The following SNX4 variants were observed in gnomAD, a reference collection of about 807,000 sequenced individuals.
SNX4 encodes sorting nexin 4, also known as sorting nexin-4.
SNX4 carries 49 observed loss-of-function variants against 70.8 expected under a neutral mutation model. The ratio of observed to expected loss-of-function variants is 0.69; its 90% CI spans 0.55 to 0.88. The LOEUF is 0.88. Among genes scored for constraint, SNX4 ranks in the 40% least tolerant of loss-of-function variants. SNX4 has a pLI of 0.00. For missense variants in SNX4, 528 were observed against 544.8 expected (o/e 0.97, Z 0.31); for synonymous variants, 206 against 183.8 (o/e 1.12, Z -0.98).
At chr3:125,472,928 C>A (rs1339485323) in intron 8 of SNX4, among the ~76,000 whole-genome samples, 1 of 152,092 alleles carries the variant, frequency 6.6e-6, no homozygotes, top group Non-Finnish European at 1.5e-5. Context: ...CCCTGTCCAC[C>A]ATCCCACCCC....
At chr3:125,459,068 G>C (rs1291266078) in intron 10 of SNX4, among the ~76,000 whole-genome samples, 1 of 152,034 alleles carries the variant, frequency 6.6e-6, no homozygotes, top group Non-Finnish European at 1.5e-5. Flanking sequence ...CAGCTGCTTG[G>C]GAGGCTGAGG....
At chr3:125,499,324 G>A (rs985168849) in intron 2 of SNX4, among the ~76,000 whole-genome samples, 3 of 152,276 alleles carry the variant, frequency 2.0e-5, no homozygotes, top group African/African-American at 2.4e-5. Flanking sequence ...TGCACAAGGT[G>A]TATTTGTACA....
At chr3:125,475,467 C>T (rs1049888401) in intron 8 of SNX4, among the ~76,000 whole-genome samples, 1 of 152,148 alleles carries the variant, frequency 6.6e-6, no homozygotes, top group African/African-American at 2.4e-5. Context: ...TGGGTTCAAG[C>T]GATTTTCCTG....
chr3:125,451,300 C>G lies in SNX4; in HGVS notation c.1305+5G>C, dbSNP rs1933565149. ...ATATCTTCACTGAAACAGGAAAAAC[C>G]CTACCTTTTTGCACATACTGATCTG... On this transcript the variant is annotated splice_donor_5th_base_variant and intron_variant, in intron 13 of 13. Coordinates refer to ENST00000251775, the MANE Select transcript of SNX4 (RefSeq NM_003794.4). 1 of 1,598,054 alleles carries G rather than the reference C, an allele frequency of 6.3e-7. No individual in the cohort carries two copies. Among genetic ancestry groups the G allele is most frequent in the Non-Finnish European group, 8.6e-7 (1 of 1,167,284 alleles).
chr3:125,518,005 A>G (rs1389330322), intron 1 of SNX4, among the ~76,000 whole-genome samples: 1 of 152,080 alleles, frequency 6.6e-6, no homozygotes, highest in Non-Finnish European at 1.5e-5. Context: ...GTCAGGAAGT[A>G]GTATGTAACT....
chr3:125,515,487 T>A (rs1935255477), intron 1 of SNX4, among the ~76,000 whole-genome samples: 1 of 148,668 alleles, frequency 6.7e-6, no homozygotes, highest in South Asian at 2.1e-4. Flanking sequence ...CATAGGGAGA[T>A]CTTGTCTCTA....
At chr3:125,464,174 C>T (rs1287955013) in intron 9 of SNX4, among the ~76,000 whole-genome samples, 1 of 152,148 alleles carries the variant, frequency 6.6e-6, no homozygotes, top group Non-Finnish European at 1.5e-5. Flanking sequence ...CACCACCCAC[C>T]TCCATAATTT....
At chr3:125,473,576 G>A (rs1412029610) in intron 8 of SNX4, among the ~76,000 whole-genome samples, 3 of 152,002 alleles carry the variant, frequency 2.0e-5, no homozygotes, top group Non-Finnish European at 4.4e-5. Context: ...CATCATGCCC[G>A]GCTAATTTTT....
chr3:125,464,564 C>CT (rs778518316), intron 9 of SNX4, among the ~76,000 whole-genome samples: 6,033 of 67,092 alleles, frequency 0.09, 1,126 homozygotes, highest in African/African-American at 0.12. Flanking sequence ...ATTTATCTTT[C>CT]TTTTTTTTTT....
chr3:125,518,207 C>A (rs1437501441), intron 1 of SNX4, among the ~76,000 whole-genome samples: 5 of 152,056 alleles, frequency 3.3e-5, no homozygotes, highest in Non-Finnish European at 7.4e-5. Context: ...ACCTGTAACC[C>A]CAGCTACTCA....
intron 1 of SNX4, among the ~76,000 whole-genome samples, chr3:125,516,487 A>G (rs1405949665): frequency 6.6e-6 from 1 of 152,220 alleles, no homozygotes; most frequent in Non-Finnish European, 1.5e-5. Flanking sequence ...TGCAGTTTCC[A>G]CAACCTCTTG....
intron 9 of SNX4, among the ~76,000 whole-genome samples, chr3:125,468,424 G>A (rs1934085151): frequency 6.6e-6 from 1 of 151,576 alleles, no homozygotes; most frequent in South Asian, 2.1e-4. Context: ...TTGTTGGCCA[G>A]GTGTGCTGGC....
chr3:125,489,778 G>C (rs187002713), intron 5 of SNX4, among the ~76,000 whole-genome samples: 13 of 152,326 alleles, frequency 8.5e-5, no homozygotes, highest in African/African-American at 2.9e-4. Flanking sequence ...GAAAACAGTA[G>C]TTTTTCTCTA....
intron 7 of SNX4, 81 bp from the exon 8 acceptor site, chr3:125,476,837 C>T (rs758661189): frequency 4.4e-5 from 33 of 745,238 alleles, no homozygotes; most frequent in Middle Eastern, 2.8e-4. Flanking sequence ...AAACAAAAAA[C>T]ATGCTTACTA....
At chr3:125,450,819 A>G (rs1933551857) in intron 13 of SNX4, among the ~76,000 whole-genome samples, 1 of 152,250 alleles carries the variant, frequency 6.6e-6, no homozygotes, top group Non-Finnish European at 1.5e-5. Flanking sequence ...TTTCCAATCA[A>G]AGCATATACC....
At position 125,447,759 on chromosome 3, in the gene SNX4, G is replaced by A. The variant is rs757163476; in HGVS notation, c.*20C>T. On this transcript the variant is annotated 3_prime_UTR_variant, in exon 14 of 14. Transcript: ENST00000251775. ...TCTGTTTTGGGGCACTTTGATTGAA[G>A]AGAAATTCAATTCACAGGATTACAT... 1.3e-6 allele frequency: 2 copies of A among 1,574,336 alleles called. No individual in the cohort carries two copies. Among genetic ancestry groups the A allele is most frequent in the Non-Finnish European group, 1.7e-6 (2 of 1,157,548 alleles).
chr3:125,519,936 C>T, intron 1 of SNX4, 96 bp downstream of exon 1: 1 of 1,171,774 alleles, frequency 8.5e-7, no homozygotes, highest in Non-Finnish European at 1.1e-6. Flanking sequence ...GCCGAGCCCA[C>T]TGGCCCGGCC....
At chr3:125,489,587 C>A in intron 5 of SNX4, 124 bp from the exon 6 acceptor site, 1 of 710,958 alleles carries the variant, frequency 1.4e-6, no homozygotes, top group Non-Finnish European at 2.4e-6. Flanking sequence ...TTGTTGTAAA[C>A]ACATTAAACA....
chr3:125,477,979 C>T (rs1278918112), intron 7 of SNX4, among the ~76,000 whole-genome samples: 1 of 152,164 alleles, frequency 6.6e-6, no homozygotes, highest in African/African-American at 2.4e-5. Flanking sequence ...CCTACTCCTA[C>T]TTGAAACTCT....
Sources: gnomAD v4.1 joint callset for allele counts (sites outside exome capture counted in the v4.1 genomes callset) on GRCh38, gnomAD v4.1.1 for gene constraint, MANE v1.5 for transcripts, NCBI Gene and HGNC (gene_info 2026-07-23, HGNC 2026-07-21) for gene names.